Variants in TMEM178B observed in about 807,000 individuals in gnomAD.
TMEM178B encodes transmembrane protein 178B.
A neutral mutation model predicts 31.0 loss-of-function variants in TMEM178B; 5 were observed. That is an observed-to-expected ratio of 0.16 (90% CI 0.08 to 0.34). The LOEUF (loss-of-function observed/expected upper bound fraction) is 0.34. Among genes scored for constraint, TMEM178B ranks in the 10% least tolerant of loss-of-function variants. TMEM178B has a pLI of 1.00. For missense variants in TMEM178B, 275 were observed against 400.3 expected, an observed-to-expected ratio of 0.69 and a Z score of 2.67; for synonymous variants, 164 against 164.0, an observed-to-expected ratio of 1.00 and a Z score of 0.00.
At chr7:141,203,755 AC>A (rs1401918593) in intron 1 of TMEM178B, among the ~76,000 whole-genome samples, 1 of 151,956 alleles carries the variant, frequency 6.6e-6, no homozygotes, top group African/African-American at 2.4e-5. Context: ...GTCCTAGAAT[AC>A]CCCTTCCTGA....
At chr7:141,142,131 T>A (rs977858172) in intron 1 of TMEM178B, among the ~76,000 whole-genome samples, 2 of 151,090 alleles carry the variant, frequency 1.3e-5, no homozygotes, top group African/African-American at 2.5e-5. Context: ...CACCCACTTA[T>A]AAGTGAGAAC....
intron 2 of TMEM178B, among the ~76,000 whole-genome samples, chr7:141,365,872 C>T (rs148753592): frequency 3.6e-3 from 545 of 152,308 alleles, no homozygotes; most frequent in African/African-American, 4.2e-3. Flanking sequence ...ATAAGGTCAC[C>T]GTCACAGGTT....
intron 2 of TMEM178B, among the ~76,000 whole-genome samples, chr7:141,303,731 T>A (rs962794390): frequency 6.6e-6 from 1 of 152,188 alleles, no homozygotes; most frequent in African/African-American, 2.4e-5. Context: ...AGACATTGAA[T>A]GTTTTGGGGG....
intron 1 of TMEM178B, among the ~76,000 whole-genome samples, chr7:141,093,736 G>A (rs1422920316): frequency 1.3e-5 from 2 of 152,188 alleles, no homozygotes; most frequent in Admixed American, 1.3e-4. Context: ...AAAGTGTGCT[G>A]TCCTAGAAGC....
chr7:141,452,854 G>GA (rs1801892067), intron 3 of TMEM178B, among the ~76,000 whole-genome samples: 2 of 152,176 alleles, frequency 1.3e-5, no homozygotes, highest in African/African-American at 2.4e-5. Context: ...TTTCTCTGGT[G>GA]AAAAAATACA....
At chr7:141,156,524 G>A (rs1049551083) in intron 1 of TMEM178B, among the ~76,000 whole-genome samples, 1 of 152,156 alleles carries the variant, frequency 6.6e-6, no homozygotes, top group Non-Finnish European at 1.5e-5. Context: ...ACAAAAGATG[G>A]ACACCTTGAA....
At chr7:141,495,799 C>T in the TMEM178B span, among the ~76,000 whole-genome samples, 2 of 152,060 alleles carry the variant, frequency 1.3e-5, no homozygotes, top group African/African-American at 2.4e-5. Context: ...AACCATTAAG[C>T]AAAAAACACC....
At chr7:141,230,120 T>G (rs750807757) in intron 2 of TMEM178B, among the ~76,000 whole-genome samples, 4 of 152,240 alleles carry the variant, frequency 2.6e-5, no homozygotes, top group Non-Finnish European at 5.9e-5. Context: ...TAAAGTTAAA[T>G]GTTTATGTTG....
chr7:141,175,702 G>T (rs1303309903), intron 1 of TMEM178B, among the ~76,000 whole-genome samples: 1 of 152,024 alleles, frequency 6.6e-6, no homozygotes, highest in Non-Finnish European at 1.5e-5. Context: ...GGATTCCTAG[G>T]TATTTTATTC....
intron 2 of TMEM178B, among the ~76,000 whole-genome samples, chr7:141,257,115 G>T (rs559599627): frequency 3.0e-4 from 45 of 152,308 alleles, no homozygotes; most frequent in Admixed American, 5.2e-4. Flanking sequence ...GACTAAAAAG[G>T]AATGTCCAGT....
intron 1 of TMEM178B, among the ~76,000 whole-genome samples, chr7:141,122,820 A>G (rs1409978584): frequency 6.6e-6 from 1 of 152,206 alleles, no homozygotes; most frequent in Non-Finnish European, 1.5e-5. Flanking sequence ...AAAGATAACC[A>G]TAATAGCTTG....
At chr7:141,349,004 G>A (rs1316313083) in intron 2 of TMEM178B, among the ~76,000 whole-genome samples, 1 of 152,068 alleles carries the variant, frequency 6.6e-6, no homozygotes, top group Non-Finnish European at 1.5e-5. Context: ...CTGACATACA[G>A]CAAAGGAAAA....
intron 2 of TMEM178B, among the ~76,000 whole-genome samples, chr7:141,263,804 T>C (rs1798052932): frequency 6.6e-6 from 1 of 152,174 alleles, no homozygotes; most frequent in African/African-American, 2.4e-5. Flanking sequence ...CAATTGTAGA[T>C]TCAGAGGTCC....
chr7:141,260,031 T>C (rs1438756683), intron 2 of TMEM178B, among the ~76,000 whole-genome samples: 2 of 152,192 alleles, frequency 1.3e-5, no homozygotes, highest in East Asian at 1.9e-4. Flanking sequence ...ACCAGGGTTA[T>C]ATGGGACTGT....
intron 2 of TMEM178B, among the ~76,000 whole-genome samples, chr7:141,368,442 T>C (rs1800051122): frequency 6.6e-6 from 1 of 152,256 alleles, no homozygotes; most frequent in African/African-American, 2.4e-5. Context: ...TTATCATAAG[T>C]GTACACCTCA....
the TMEM178B span, among the ~76,000 whole-genome samples, chr7:141,505,399 C>A: frequency 6.6e-6 from 1 of 152,226 alleles, no homozygotes; most frequent in Admixed American, 6.5e-5. Flanking sequence ...GTTTTCATAT[C>A]TGCTCCCCTG....
chr7:141,410,944 A>G (rs190451753), intron 2 of TMEM178B, among the ~76,000 whole-genome samples: 7 of 152,364 alleles, frequency 4.6e-5, no homozygotes, highest in Non-Finnish European at 1.0e-4. Context: ...GCTAAGTAAA[A>G]TTAATCAGAT....
Position 141,074,192 on chromosome 7 carries a change from C to T in TMEM178B, c.-119C>T, listed in dbSNP as rs1416308641. ...GGCGGGGGCCGAGGGGGCGCCGCGGCGCGAGTCCCTCTCCTGCCCCCTCCC... is the reference window on the plus strand; with the variant it reads ...GGCGGGGGCCGAGGGGGCGCCGCGGTGCGAGTCCCTCTCCTGCCCCCTCCC... On this transcript the variant is annotated 5_prime_UTR_variant, in exon 1 of 4. Transcript: ENST00000565468. The surrounding 1 kb of genome is among the most constrained non-coding windows in gnomAD (Gnocchi z 5.1). The T allele has an allele frequency of 1.5e-6, 2 of 1,361,174 alleles. No individual in the cohort carries two copies. The highest frequency in any genetic ancestry group is 2.7e-4 in the Middle Eastern group (1 of 3,696). The allele number at this position is 1,361,174 out of a possible 1,614,324, so 84.3% of individuals were successfully genotyped here.
intron 1 of TMEM178B, among the ~76,000 whole-genome samples, chr7:141,080,599 G>A (rs1441025761): frequency 3.3e-5 from 5 of 152,234 alleles, no homozygotes; most frequent in African/African-American, 4.8e-5. Flanking sequence ...CAGCCTGGGT[G>A]ATAGAGCGAG....
Sources: allele counts gnomAD v4.1 joint callset (sites outside exome capture counted in the v4.1 genomes callset), GRCh38; gene constraint gnomAD v4.1.1; non-coding constraint Gnocchi (gnomAD v3.1); transcripts MANE v1.5; gene names NCBI Gene and HGNC (gene_info 2026-07-23, HGNC 2026-07-21).